PTPRD: variants seen among roughly 807,000 people sequenced by gnomAD.
PTPRD encodes the protein protein tyrosine phosphatase receptor type D.
PTPRD carries 34 observed loss-of-function variants against 214.5 expected under a neutral mutation model. The ratio of observed to expected loss-of-function variants is 0.16; its 90% CI spans 0.12 to 0.21. PTPRD has a LOEUF of 0.21. PTPRD is among the 10% of genes least tolerant of loss of function. PTPRD has a pLI of 1.00. For synonymous variants in PTPRD, 1,128 were observed against 845.7 expected, an observed-to-expected ratio of 1.33 and a Z score of -5.79; for missense variants, 2,545 against 2,398.7, an observed-to-expected ratio of 1.06 and a Z score of -1.27.
chr9:10,126,419 T>TTATA (rs202005882), intron 3 of PTPRD, among the ~76,000 whole-genome samples: 31 of 135,598 alleles, frequency 2.3e-4, no homozygotes, highest in African/African-American at 8.8e-4. Context: ...TAATACTGTT[T>TTATA]TATATATACA....
chr9:10,043,141 A>G (rs2097327182), intron 3 of PTPRD, among the ~76,000 whole-genome samples: 1 of 152,004 alleles, frequency 6.6e-6, no homozygotes, highest in Non-Finnish European at 1.5e-5. Context: ...ACAAAGCTAT[A>G]GAAAATAAAA....
chr9:9,965,154 G>T (rs757560465), intron 4 of PTPRD, among the ~76,000 whole-genome samples: 3 of 152,098 alleles, frequency 2.0e-5, no homozygotes, highest in Non-Finnish European at 4.4e-5. Context: ...GATTCAAACT[G>T]CCCTTAAAAA....
chr9:9,735,078 G>C (rs1341198064), intron 6 of PTPRD, among the ~76,000 whole-genome samples: 2 of 152,034 alleles, frequency 1.3e-5, no homozygotes, highest in Non-Finnish European at 2.9e-5. Flanking sequence ...AAAGATAAAA[G>C]GCTTTTAATT....
intron 11 of PTPRD, among the ~76,000 whole-genome samples, chr9:8,986,623 T>C (rs956382551): frequency 2.6e-5 from 4 of 152,070 alleles, no homozygotes; most frequent in Non-Finnish European, 5.9e-5. Flanking sequence ...CTTAGAACCA[T>C]TCCTATATTT....
At chr9:9,392,553 A>G (rs532993320) in intron 9 of PTPRD, among the ~76,000 whole-genome samples, 2 of 152,220 alleles carry the variant, frequency 1.3e-5, no homozygotes, top group Non-Finnish European at 2.9e-5. Context: ...TTAGGTCAAG[A>G]GTAGAATTCT....
At chr9:9,578,245 T>C (rs2089637843) in intron 7 of PTPRD, among the ~76,000 whole-genome samples, 2 of 152,108 alleles carry the variant, frequency 1.3e-5, no homozygotes, top group African/African-American at 4.8e-5. Flanking sequence ...TGTGTTTGAA[T>C]GATTTTCAAA....
At chr9:9,481,784 G>C (rs955755524) in intron 8 of PTPRD, among the ~76,000 whole-genome samples, 3 of 152,074 alleles carry the variant, frequency 2.0e-5, no homozygotes, top group African/African-American at 4.8e-5. Context: ...TAGGCCAAGA[G>C]AATCACAGAA....
chr9:10,498,420 T>C (rs2042741982), intron 2 of PTPRD, among the ~76,000 whole-genome samples: 1 of 152,152 alleles, frequency 6.6e-6, no homozygotes, highest in East Asian at 1.9e-4. Flanking sequence ...TTGGCACTAA[T>C]AATTATCCTA....
intron 35 of PTPRD, among the ~76,000 whole-genome samples, chr9:8,413,185 A>G (rs2093658920): frequency 6.6e-6 from 1 of 152,180 alleles, no homozygotes. Flanking sequence ...TCCTAAACAT[A>G]GATGTATTTT....
chr9:9,538,258 TA>T (rs894779229), intron 8 of PTPRD, among the ~76,000 whole-genome samples: 1 of 151,958 alleles, frequency 6.6e-6, no homozygotes, highest in East Asian at 1.9e-4. Context: ...CTACTGTTGA[TA>T]AAAAATAATT....
chr9:8,615,713 A>G (rs1295846988), intron 14 of PTPRD, among the ~76,000 whole-genome samples: 2 of 152,080 alleles, frequency 1.3e-5, no homozygotes, highest in Non-Finnish European at 2.9e-5. Flanking sequence ...CTAACTTAAA[A>G]TTAGGAAAAA....
chr9:9,690,333 TG>T (rs2097248353), intron 7 of PTPRD, among the ~76,000 whole-genome samples: 1 of 151,882 alleles, frequency 6.6e-6, no homozygotes, highest in South Asian at 2.1e-4. Context: ...TTAAAACAGA[TG>T]TTTTCCTTCC....
intron 2 of PTPRD, among the ~76,000 whole-genome samples, chr9:10,457,134 C>T (rs2098924086): frequency 6.6e-6 from 1 of 151,798 alleles, no homozygotes; most frequent in Non-Finnish European, 1.5e-5. Context: ...TCCTGACGTG[C>T]ACATATCTTA....
chr9:9,181,514 T>G (rs556314321), intron 10 of PTPRD, among the ~76,000 whole-genome samples: 1 of 152,064 alleles, frequency 6.6e-6, no homozygotes, highest in East Asian at 1.9e-4. Flanking sequence ...CAAACAAATT[T>G]ATGTACCTCC....
intron 2 of PTPRD, among the ~76,000 whole-genome samples, chr9:10,491,015 G>C (rs946691168): frequency 6.6e-6 from 1 of 151,998 alleles, no homozygotes; most frequent in Non-Finnish European, 1.5e-5. Flanking sequence ...TAATTTATTT[G>C]CTTTGCAAAA....
At chr9:8,928,509 T>C (rs2098920488) in intron 11 of PTPRD, among the ~76,000 whole-genome samples, 1 of 151,910 alleles carries the variant, frequency 6.6e-6, no homozygotes, top group African/African-American at 2.4e-5. Context: ...GATCAGATGG[T>C]TGTAGATGTG....
intron 7 of PTPRD, among the ~76,000 whole-genome samples, chr9:9,635,519 T>C (rs1435780000): frequency 1.3e-5 from 2 of 152,196 alleles, no homozygotes; most frequent in Admixed American, 1.3e-4. Flanking sequence ...GGGACTGTGA[T>C]GAGCTGTGTG....
At chr9:10,338,460 A>C (rs2096882116) in intron 3 of PTPRD, among the ~76,000 whole-genome samples, 1 of 151,754 alleles carries the variant, frequency 6.6e-6, no homozygotes, top group Admixed American at 6.6e-5. Context: ...TCAACAAATA[A>C]TTTTTTGTGT....
At chr9:8,603,943 T>C (rs1475456176) in intron 14 of PTPRD, among the ~76,000 whole-genome samples, 2 of 152,196 alleles carry the variant, frequency 1.3e-5, no homozygotes, top group East Asian at 1.9e-4. Flanking sequence ...GTGTTTCCTA[T>C]CAACCATGCC....
Sources: allele counts gnomAD v4.1 joint callset (sites outside exome capture counted in the v4.1 genomes callset), GRCh38; gene constraint gnomAD v4.1.1; transcripts MANE v1.5; gene names NCBI Gene and HGNC (gene_info 2026-07-23, HGNC 2026-07-21).